The following CADPS variants were observed in gnomAD, a reference collection of about 807,000 sequenced individuals.
CADPS encodes the protein calcium-dependent secretion activator 1.
Under a neutral mutation model 167.3 loss-of-function variants are expected in CADPS, and 57 were observed. The observed-to-expected ratio is 0.34, with a 90% CI of 0.28 to 0.42. The LOEUF (loss-of-function observed/expected upper bound fraction) is 0.42, where lower values mean the gene tolerates loss of function less well. Ranked by LOEUF, CADPS falls within the 20% of genes least tolerant of loss-of-function variation. The pLI, the probability that CADPS is intolerant of heterozygous loss-of-function variation, is 1.00. For missense variants in CADPS, 1,414 were observed against 1,738.1 expected (o/e 0.81, Z 3.32); for synonymous variants, 676 against 635.3 (o/e 1.06, Z -0.96).
chr3:62,629,757 G>GTTTTTTTTTTTTTTTTT (rs55956118), intron 6 of CADPS, among the ~76,000 whole-genome samples: 17 of 145,742 alleles, frequency 1.2e-4, no homozygotes, highest in Admixed American at 1.4e-4. Flanking sequence ...CTCTGGTACA[G>GTTTTTTTTTTTTTTTTT]TTTTTTTTTT....
intron 2 of CADPS, among the ~76,000 whole-genome samples, chr3:62,755,646 TG>T (rs956949181): frequency 1.3e-5 from 2 of 152,196 alleles, no homozygotes; most frequent in Non-Finnish European, 2.9e-5. Context: ...TTGACTTTAA[TG>T]AACTAATTTA....
At chr3:62,817,935 T>TG (rs1388900720) in intron 1 of CADPS, among the ~76,000 whole-genome samples, 7 of 152,156 alleles carry the variant, frequency 4.6e-5, no homozygotes, top group African/African-American at 1.7e-4. Flanking sequence ...TGGTTTAGGA[T>TG]GCTGCTACAA....
At position 62,605,676 on chromosome 3, in the gene CADPS, C is replaced by T. The variant is rs80021760; in HGVS notation, c.1326-12928G>A. 8.6e-3 allele frequency among the ~76,000 whole-genome samples: 1,306 copies of T among 152,306 alleles called. 13 individuals carry two copies. Among genetic ancestry groups the T allele is most frequent in the African/African-American group, 0.03 (1,241 of 41,570 alleles). On this transcript the variant is annotated intron_variant, in intron 6 of 29. Transcript: ENST00000383710. Reference sequence around the variant, plus strand: ...GCTGAACAGCTGACTCTCCTGCAGACTCTATTTTCTTACTTGTAAAATGGA... The same window carrying T: ...GCTGAACAGCTGACTCTCCTGCAGATTCTATTTTCTTACTTGTAAAATGGA...
chr3:62,468,400 G>C (rs1339116133), intron 24 of CADPS, among the ~76,000 whole-genome samples: 1 of 152,128 alleles, frequency 6.6e-6, no homozygotes, highest in Non-Finnish European at 1.5e-5. Flanking sequence ...AAGCAAAGAA[G>C]AACATCATTG....
At chr3:62,513,566 A>G in intron 16 of CADPS, 1 of 1,025,638 alleles carries the variant, frequency 9.8e-7, no homozygotes, top group South Asian at 1.4e-5. Flanking sequence ...GTTGGTTTGG[A>G]TCTGGATTTT....
rs749053370 is a variant in CADPS at position 62,765,890 on chromosome 3, G to A, written c.536C>T (p.Ala179Val). 6.2e-6 allele frequency: 10 copies of A among 1,611,440 alleles called. No homozygotes were observed. The highest frequency in any genetic ancestry group is 7.6e-6 in the Non-Finnish European group (9 of 1,177,910). The change falls in exon 2 of 30, where the codon GCT becomes GTT. Residue 179 changes from alanine (A) to valine (V), a missense_variant. Transcript: ENST00000383710. ...QIMADEAFMN[A>V]VQSYYEVFLK... ...TCTCACCTCATAGTAACTCTGCACA[G>A]CGTTCATGAAGGCTTCGTCAGCCAT...
intron 9 of CADPS, among the ~76,000 whole-genome samples, chr3:62,561,412 C>G (rs2152379099): frequency 6.6e-6 from 1 of 151,784 alleles, no homozygotes; most frequent in Admixed American, 6.6e-5. Context: ...ACCACCATGC[C>G]TGGCTATTTT....
intron 6 of CADPS, among the ~76,000 whole-genome samples, chr3:62,637,558 T>C (rs955718872): frequency 3.3e-4 from 51 of 152,340 alleles, no homozygotes; most frequent in South Asian, 2.1e-4. Context: ...TGCTGGTGTG[T>C]GCGCCAGCAC....
intron 7 of CADPS, among the ~76,000 whole-genome samples, chr3:62,588,951 G>A (rs777292282): frequency 6.6e-6 from 1 of 152,148 alleles, no homozygotes; most frequent in Non-Finnish European, 1.5e-5. Flanking sequence ...ACTATCTGGG[G>A]AAGGATACCA....
chr3:62,862,821 C>A (rs2081049402), intron 1 of CADPS, among the ~76,000 whole-genome samples: 1 of 152,196 alleles, frequency 6.6e-6, no homozygotes, highest in Admixed American at 6.5e-5. Flanking sequence ...TCTGACAGTG[C>A]AATGGGAGGA....
chr3:62,780,865 T>A (rs1261391037), intron 1 of CADPS, among the ~76,000 whole-genome samples: 2 of 152,246 alleles, frequency 1.3e-5, no homozygotes, highest in Admixed American at 1.3e-4. Context: ...ATTAGATATT[T>A]ATATGAGTCA....
intron 28 of CADPS, among the ~76,000 whole-genome samples, chr3:62,411,726 CAAAG>C (rs745850189): frequency 1.3e-5 from 2 of 152,152 alleles, no homozygotes; most frequent in African/African-American, 2.4e-5. Context: ...GAGGGTCTGA[CAAAG>C]AAACCCTGGC....
At chr3:62,715,396 ATCTG>A (rs1564209892) in intron 3 of CADPS, among the ~76,000 whole-genome samples, 1 of 131,000 alleles carries the variant, frequency 7.6e-6, no homozygotes, top group Non-Finnish European at 1.6e-5. Flanking sequence ...CTATCTATCT[ATCTG>A]TATTATATAT....
At chr3:62,503,039 G>T (rs1436266255) in intron 17 of CADPS, among the ~76,000 whole-genome samples, 1 of 151,736 alleles carries the variant, frequency 6.6e-6, no homozygotes, top group Non-Finnish European at 1.5e-5. Flanking sequence ...ACTCTTACCA[G>T]TGTCACCAGC....
chr3:62,819,014 G>A (rs1341296844), intron 1 of CADPS, among the ~76,000 whole-genome samples: 1 of 152,112 alleles, frequency 6.6e-6, no homozygotes, highest in Admixed American at 6.6e-5. Flanking sequence ...CTGGCTCCAG[G>A]GGATGGTGGT....
Position 62,421,470 on chromosome 3 carries a change from G to A in CADPS, c.3777+16634C>T, listed in dbSNP as rs141837324. ...AGATGTACAAAGGCGGAACTGCGCCGTGCAGCTTATCCGCATGCACCCACA... is the reference window on the plus strand; with the variant it reads ...AGATGTACAAAGGCGGAACTGCGCCATGCAGCTTATCCGCATGCACCCACA... On this transcript the variant is annotated intron_variant, in intron 28 of 29. Transcript: ENST00000383710. This position sits in a 1 kb window ranked among gnomAD's most constrained non-coding sequence, Gnocchi z 4.7. Among the ~76,000 whole-genome samples, 87 of 152,280 alleles carry A rather than the reference G, an allele frequency of 5.7e-4. No individual in the cohort carries two copies. Among genetic ancestry groups the A allele is most frequent in the African/African-American group, 2.0e-3 (82 of 41,548 alleles).
At chr3:62,401,297 A>G (rs1387056851) in intron 29 of CADPS, among the ~76,000 whole-genome samples, 1 of 152,004 alleles carries the variant, frequency 6.6e-6, no homozygotes, top group Non-Finnish European at 1.5e-5. Context: ...ATGATGGGGG[A>G]AAATAAAGGT....
At chr3:62,732,859 A>T (rs1341604144) in intron 3 of CADPS, among the ~76,000 whole-genome samples, 1 of 152,202 alleles carries the variant, frequency 6.6e-6, no homozygotes, top group Non-Finnish European at 1.5e-5. Flanking sequence ...GGAAGTGAGG[A>T]GACTGAGGTT....
intron 3 of CADPS, among the ~76,000 whole-genome samples, chr3:62,733,479 T>C (rs984027554): frequency 8.5e-5 from 13 of 152,342 alleles, no homozygotes; most frequent in Admixed American, 7.8e-4. Context: ...TAATAATTGA[T>C]ACTTTTGTAC....
Sources: gnomAD v4.1 joint callset for allele counts (sites outside exome capture counted in the v4.1 genomes callset) on GRCh38, gnomAD v4.1.1 for gene constraint, Gnocchi (gnomAD v3.1) non-coding constraint, MANE v1.5 for transcripts, NCBI Gene and HGNC (gene_info 2026-07-23, HGNC 2026-07-21) for gene names.